PAPPA2: variants seen among roughly 807,000 people sequenced by gnomAD.
PAPPA2 encodes pappalysin-2.
In PAPPA2, 86 loss-of-function variants were observed where a neutral mutation model predicts 176.4. That is an observed-to-expected ratio of 0.49 (90% confidence interval 0.41 to 0.58). The LOEUF (loss-of-function observed/expected upper bound fraction) is 0.58. Ranked by LOEUF, PAPPA2 falls within the 20% of genes least tolerant of loss-of-function variation. The probability of loss-of-function intolerance (pLI) is 0.00; values close to 1 mark genes in which losing one functional copy is unlikely to be tolerated. For synonymous variants in PAPPA2, 809 were observed against 852.2 expected (o/e 0.95, Z 0.88); for missense variants, 2,073 against 2,256.9 (o/e 0.92, Z 1.65).
intron 1 of PAPPA2, among the ~76,000 whole-genome samples, chr1:176,510,202 G>A (rs148025259): frequency 6.3e-4 from 96 of 152,170 alleles, no homozygotes; most frequent in African/African-American, 2.2e-3. Context: ...AACAAAATTT[G>A]TAAAAACTGA....
At chr1:176,624,851 G>T (rs1475418643) in intron 3 of PAPPA2, among the ~76,000 whole-genome samples, 1 of 152,148 alleles carries the variant, frequency 6.6e-6, no homozygotes, top group Non-Finnish European at 1.5e-5. Context: ...ACTTGTCAGG[G>T]CTGGGACAGA....
intron 3 of PAPPA2, among the ~76,000 whole-genome samples, chr1:176,612,872 C>T (rs1286919811): frequency 6.6e-6 from 1 of 152,102 alleles, no homozygotes. Flanking sequence ...GAGAGTAGCG[C>T]TTTTCTGGAG....
intron 3 of PAPPA2, among the ~76,000 whole-genome samples, chr1:176,638,768 G>T (rs145254990): frequency 1.4e-4 from 21 of 151,932 alleles, no homozygotes; most frequent in African/African-American, 4.8e-4. Context: ...TCAGAGCTTT[G>T]TGAAAGTTCC....
chr1:176,699,958 C>T (rs760202065), intron 8 of PAPPA2, among the ~76,000 whole-genome samples: 5 of 152,158 alleles, frequency 3.3e-5, no homozygotes, highest in Admixed American at 6.5e-5. Context: ...GACCCCATAA[C>T]ATTTATAAGG....
intron 2 of PAPPA2, among the ~76,000 whole-genome samples, chr1:176,580,961 G>A (rs565979551): frequency 1.9e-4 from 29 of 152,020 alleles, no homozygotes; most frequent in Non-Finnish European, 3.7e-4. Context: ...TTCTTTTGCT[G>A]TGCAAAAGCT....
chr1:176,644,895 C>G (rs1009778212), intron 3 of PAPPA2, among the ~76,000 whole-genome samples: 2 of 151,676 alleles, frequency 1.3e-5, no homozygotes, highest in African/African-American at 2.4e-5. Flanking sequence ...TTTTATGGAA[C>G]CAGGAAAGAG....
intron 3 of PAPPA2, 63 bp from the exon 4 acceptor site, chr1:176,670,907 C>T (rs2102773765): frequency 1.3e-6 from 2 of 1,595,906 alleles, no homozygotes; most frequent in Non-Finnish European, 8.6e-7. Context: ...TTAGGTCTGG[C>T]TCTGCTATTC....
chr1:176,480,434 T>A (rs1223923860), intron 1 of PAPPA2, among the ~76,000 whole-genome samples: 1 of 152,058 alleles, frequency 6.6e-6, no homozygotes, highest in Non-Finnish European at 1.5e-5. Context: ...CCATCCTAAC[T>A]GGCCCCATTT....
chr1:176,469,781 C>A (rs2102463029), intron 1 of PAPPA2, among the ~76,000 whole-genome samples: 1 of 152,312 alleles, frequency 6.6e-6, no homozygotes, highest in African/African-American at 2.4e-5. Context: ...GGGTCCACAG[C>A]AGTTGTCATC....
chr1:176,476,956 C>T (rs776874099), intron 1 of PAPPA2, among the ~76,000 whole-genome samples: 4 of 152,048 alleles, frequency 2.6e-5, no homozygotes, highest in Non-Finnish European at 2.9e-5. Context: ...GGTGAGACAC[C>T]GGGACCTCGA....
At chr1:176,654,841 G>A (rs954551136) in intron 3 of PAPPA2, among the ~76,000 whole-genome samples, 2 of 151,610 alleles carry the variant, frequency 1.3e-5, no homozygotes, top group Non-Finnish European at 3.0e-5. Flanking sequence ...TATTGTCATT[G>A]GGATTGCCTT....
intron 14 of PAPPA2, among the ~76,000 whole-genome samples, chr1:176,760,895 C>A (rs564512539): frequency 1.1e-4 from 16 of 152,252 alleles, no homozygotes; most frequent in Non-Finnish European, 2.2e-4. Flanking sequence ...AATCTCGGCT[C>A]ACTGCAAGCT....
At chr1:176,696,910 G>A (rs184889304) in intron 7 of PAPPA2, among the ~76,000 whole-genome samples, 88 of 152,298 alleles carry the variant, frequency 5.8e-4, no homozygotes, top group African/African-American at 2.1e-3. Flanking sequence ...AAATCTGGAA[G>A]GAGACAATTT....
intron 9 of PAPPA2, 113 bp from the exon 10 acceptor site, chr1:176,706,246 C>T: frequency 1.2e-6 from 1 of 866,186 alleles, no homozygotes; most frequent in Non-Finnish European, 1.8e-6. Context: ...TACTTTTTTC[C>T]AACTTGCACT....
chr1:176,517,995 A>G (rs1479530886), intron 1 of PAPPA2, among the ~76,000 whole-genome samples: 1 of 152,208 alleles, frequency 6.6e-6, no homozygotes. Context: ...GTCATGGATT[A>G]CTAGACTCAA....
At position 176,561,942 on chromosome 1, in the gene PAPPA2, G is replaced by A. The variant is rs569218288; in HGVS notation, c.919+4701G>A. On this transcript the variant is annotated intron_variant, in intron 2 of 22. Transcript: ENST00000367662. The stretch of plus-strand genomic sequence containing the variant: ...CATGGTGGCAGGCAAGACAGCGTGC[G>A]CAGCGGAACTCCCATTTATAAAACC... Among the ~76,000 whole-genome samples the A allele has an allele frequency of 1.7e-4, 26 of 152,302 alleles. No individual in the cohort carries two copies. In the East Asian group the frequency reaches 4.2e-3, roughly 25 times the overall value.
intron 21 of PAPPA2, among the ~76,000 whole-genome samples, chr1:176,838,322 C>A (rs971197406): frequency 6.6e-6 from 1 of 152,080 alleles, no homozygotes; most frequent in Admixed American, 6.5e-5. Flanking sequence ...CCTTTAATTT[C>A]CATTATGAAG....
chr1:176,585,233 T>G (rs1295788385), intron 2 of PAPPA2, among the ~76,000 whole-genome samples: 1 of 152,184 alleles, frequency 6.6e-6, no homozygotes, highest in East Asian at 1.9e-4. Flanking sequence ...CTCCTTCATT[T>G]CTAAGAATAG....
intron 3 of PAPPA2, among the ~76,000 whole-genome samples, chr1:176,620,122 C>T (rs1190684333): frequency 1.3e-5 from 2 of 152,178 alleles, no homozygotes; most frequent in East Asian, 3.9e-4. Flanking sequence ...ACAGATGGCA[C>T]CTTCTTGCCA....
Sources: gnomAD v4.1 joint callset for allele counts (sites outside exome capture counted in the v4.1 genomes callset) on GRCh38, gnomAD v4.1.1 for gene constraint, MANE v1.5 for transcripts, NCBI Gene and HGNC (gene_info 2026-07-23, HGNC 2026-07-21) for gene names.